SMARCA2: variants seen among roughly 807,000 people sequenced by gnomAD.
The protein encoded by SMARCA2 is SWI/SNF-related matrix-associated actin-dependent regulator of chromatin subfamily A member 2.
Under a neutral mutation model 199.8 loss-of-function variants are expected in SMARCA2, and 61 were observed. The observed-to-expected ratio is 0.31, with a 90% CI of 0.25 to 0.38. SMARCA2 has a LOEUF of 0.38. SMARCA2 is among the 10% of genes least tolerant of loss of function. The probability of loss-of-function intolerance (pLI) is 1.00; values close to 1 mark genes in which losing one functional copy is unlikely to be tolerated. For synonymous variants in SMARCA2, 935 were observed against 732.0 expected (o/e 1.28, Z -4.48); for missense variants, 1,344 against 2,012.2 (o/e 0.67, Z 6.35).
intron 27 of SMARCA2, among the ~76,000 whole-genome samples, chr9:2,147,185 A>G (rs972764221): frequency 6.6e-6 from 1 of 151,864 alleles, no homozygotes; most frequent in African/African-American, 2.4e-5. Context: ...CTATTTAGAA[A>G]AAGTACAGAA....
Position 2,077,211 on chromosome 9 carries a change from T to G in SMARCA2, c.2037-418T>G, listed in dbSNP as rs115766336. Reference sequence around the variant, plus strand: ...GCCCTCTCCCCCTGCCCTCCCAGCTTTAGCCAGTGTTCTGTGAATAGGATT... The same window carrying G: ...GCCCTCTCCCCCTGCCCTCCCAGCTGTAGCCAGTGTTCTGTGAATAGGATT... On this transcript the variant is annotated intron_variant, in intron 13 of 33. Coordinates refer to ENST00000349721, the MANE Select transcript of SMARCA2 (RefSeq NM_003070.5). Among the ~76,000 whole-genome samples the G allele has an allele frequency of 6.0e-3, 919 of 152,300 alleles. 9 individuals are homozygous for G. The highest frequency in any genetic ancestry group is 0.021 in the African/African-American group (872 of 41,566).
At chr9:2,082,384 A>G (rs940475213) in intron 15 of SMARCA2, among the ~76,000 whole-genome samples, 1 of 151,258 alleles carries the variant, frequency 6.6e-6, no homozygotes, top group African/African-American at 2.4e-5. Flanking sequence ...TCCATTTCCA[A>G]AAGATGATAT....
rs1180411931 is a variant in SMARCA2 at position 2,191,186 on chromosome 9, G to T, written c.4595-80G>T. 3.0e-6 allele frequency: 4 copies of T among 1,334,630 alleles called. No homozygotes were observed. The South Asian group carries it at 5.0e-5, about 17-fold the overall frequency. 82.7% of individuals were successfully genotyped at this position (1,334,630 alleles called of 1,614,324 possible). ...TCTGGGATGTTTGTGTTGTCTGTAG[G>T]TTGGTGATAGTCTTACCACCTATAC... On this transcript the variant is annotated intron_variant, in intron 32 of 33. Coordinates refer to ENST00000349721, the MANE Select transcript of SMARCA2 (RefSeq NM_003070.5).
At chr9:2,174,265 T>C (rs1190099445) in intron 29 of SMARCA2, among the ~76,000 whole-genome samples, 1 of 152,196 alleles carries the variant, frequency 6.6e-6, no homozygotes, top group Non-Finnish European at 1.5e-5. Flanking sequence ...AAATGGATTT[T>C]CTTACAGGGC....
rs1818376646 is a variant in SMARCA2 at position 2,016,904 on chromosome 9, A to G, written c.-37+1500A>G. 6.6e-6 allele frequency among the ~76,000 whole-genome samples: 1 copy of G among 152,014 alleles called. No individual in the cohort carries two copies. ...CAAAGGTGTCGCGATGCACTTCCCT[A>G]AATAACCGGTCCGGCGCGCCAGCCC... On this transcript the variant is annotated intron_variant, in intron 1 of 33. Transcript: ENST00000349721. This position sits in a 1 kb window ranked among gnomAD's most constrained non-coding sequence, Gnocchi z 5.6.
rs976711540 is a variant in SMARCA2 at position 2,165,346 on chromosome 9, G to C, written c.4199+3443G>C. ...AGATGTATCTTGATATTTTCATAAA[G>C]AACTAAGATCATTTATGTGTGTGTT... On this transcript the variant is annotated intron_variant, in intron 28 of 33. Coordinates refer to ENST00000349721, the MANE Select transcript of SMARCA2 (RefSeq NM_003070.5). 5.3e-5 allele frequency among the ~76,000 whole-genome samples: 8 copies of C among 152,182 alleles called. No homozygotes were observed. In the South Asian group the frequency reaches 6.2e-4, roughly 12 times the overall value.
In SMARCA2 at chr9:2,016,710, G is replaced by A. The variant is rs986171074; in HGVS notation, c.-37+1306G>A. On this transcript the variant is annotated intron_variant, in intron 1 of 33. Transcript: ENST00000349721. The surrounding 1 kb of genome is among the most constrained non-coding windows in gnomAD (Gnocchi z 5.6). ...CGAGGGCGGGAGGCGGGGAGACCGG[G>A]TAGGAGCCTCCTCCCAACGATGACA... Among the ~76,000 whole-genome samples the A allele has an allele frequency of 6.6e-6, 1 of 152,136 alleles. No homozygotes were observed. The highest frequency in any genetic ancestry group is 6.5e-5 in the Admixed American group (1 of 15,298).
In SMARCA2 at chr9:2,125,540, A is replaced by G. The variant is rs1416249376; in HGVS notation, c.3981+1603A>G. Among the ~76,000 whole-genome samples the G allele has an allele frequency of 4.2e-5, 6 of 143,546 alleles. No homozygotes were observed. In the East Asian group the frequency reaches 8.4e-4, roughly 20 times the overall value. 94.2% of individuals were successfully genotyped at this position (143,546 alleles called of 152,430 possible). ...AGTCTCTCTCTGTCACTGAGGCTAT[A>G]GTGCAATGGTGTGGTCTCAGCTCAG... On this transcript the variant is annotated intron_variant, in intron 27 of 33. Transcript: ENST00000349721.
At position 2,164,673 on chromosome 9, in the gene SMARCA2, C is replaced by T. The variant is rs752651895; in HGVS notation, c.4199+2770C>T. 2.0e-4 allele frequency among the ~76,000 whole-genome samples: 31 copies of T among 152,252 alleles called. 1 individual carries two copies. Among genetic ancestry groups the T allele is most frequent in the Admixed American group, 1.2e-3 (19 of 15,290 alleles). On this transcript the variant is annotated intron_variant, in intron 28 of 33. Coordinates refer to ENST00000349721, the MANE Select transcript of SMARCA2 (RefSeq NM_003070.5). The stretch of plus-strand genomic sequence containing the variant: ...TTTTATTTCTAGAAACAGAAAATGC[C>T]GTTTCAGTGGTACTGTTTATTGAGT...
chr9:2,070,504 G>A, intron 10 of SMARCA2, 33 bp downstream of exon 10: 1 of 1,538,704 alleles, frequency 6.5e-7, no homozygotes, highest in South Asian at 1.1e-5. Context: ...ACTGTGTTCT[G>A]CTGAATGGAG....
At chr9:2,073,858 C>T (rs1821195194) in intron 12 of SMARCA2, among the ~76,000 whole-genome samples, 1 of 152,140 alleles carries the variant, frequency 6.6e-6, no homozygotes. Flanking sequence ...TCTAAATTCA[C>T]TTGAAACCAA....
At chr9:2,087,120 T>G in intron 18 of SMARCA2, 49 bp downstream of exon 18, 1 of 1,608,486 alleles carries the variant, frequency 6.2e-7, no homozygotes. Context: ...TGACATGAAA[T>G]GAAAGGCCCT....
chr9:2,104,305 A>G lies in SMARCA2; in HGVS notation c.3292+136A>G, dbSNP rs547073169. 4.8e-4 allele frequency: 373 copies of G among 772,922 alleles called. 6 individuals are homozygous for G. In the South Asian group the frequency reaches 7.7e-3, roughly 16 times the overall value. 47.9% of individuals were successfully genotyped at this position (772,922 alleles called of 1,614,324 possible). A position where few individuals can be genotyped will look rare whatever the true frequency, so the allele number is the denominator to read the frequency against. The stretch of plus-strand genomic sequence containing the variant: ...TAGAAGCATTGGGAGCAGTTTTTCT[A>G]GATAGCAATTTTTTGCATCCTTAAG... On this transcript the variant is annotated intron_variant, in intron 23 of 33. Transcript: ENST00000349721. The surrounding 1 kb of genome is among the most constrained non-coding windows in gnomAD (Gnocchi z 4.0).
chr9:2,015,637 A>G (rs1219292788), intron 1 of SMARCA2, among the ~76,000 whole-genome samples: 1 of 152,218 alleles, frequency 6.6e-6, no homozygotes, highest in Non-Finnish European at 1.5e-5. Flanking sequence ...TGCTCTAACG[A>G]CAGCTCCCAG....
At chr9:2,035,359 A>C (rs1819281684) in intron 3 of SMARCA2, among the ~76,000 whole-genome samples, 1 of 152,064 alleles carries the variant, frequency 6.6e-6, no homozygotes, top group Non-Finnish European at 1.5e-5. Context: ...CTTTATTTTT[A>C]ATACCTGGGA....
rs1465764636 is a variant in SMARCA2, at chr9:2,193,501, C to G, written c.*762C>G. Reference sequence around the variant, plus strand: ...TCCTTCTCCCTAAAGTGTACTTAATCTTTGCTTTCTTTGCACAATGTCTTT... The same window carrying G: ...TCCTTCTCCCTAAAGTGTACTTAATGTTTGCTTTCTTTGCACAATGTCTTT... On this transcript the variant is annotated 3_prime_UTR_variant, in exon 34 of 34. Coordinates refer to ENST00000349721, the MANE Select transcript of SMARCA2 (RefSeq NM_003070.5). 6.5e-6 allele frequency: 1 copy of G among 152,678 alleles called. No homozygotes were observed. Among genetic ancestry groups the G allele is most frequent in the East Asian group, 1.9e-4 (1 of 5,200 alleles). 9.5% of individuals were successfully genotyped at this position (152,678 alleles called of 1,614,324 possible).
At chr9:2,044,442 T>C (rs1274964556) in intron 4 of SMARCA2, 1 of 152,248 alleles carries the variant, frequency 6.6e-6, no homozygotes, top group African/African-American at 2.4e-5. Flanking sequence ...CCAGCTAATA[T>C]GGTACCGAAT....
chr9:2,038,606 T>C (rs965577041), intron 3 of SMARCA2, among the ~76,000 whole-genome samples: 1 of 152,210 alleles, frequency 6.6e-6, no homozygotes, highest in African/African-American at 2.4e-5. Flanking sequence ...CTATATATTC[T>C]AGAGTTTCTG....
At chr9:2,173,296 G>T (rs7048976) in intron 29 of SMARCA2, among the ~76,000 whole-genome samples, 78,530 of 152,000 alleles carry the variant, frequency 0.52, 20,765 homozygotes, top group East Asian at 0.67. Context: ...ATGTTGTGAT[G>T]ATGTTGTTAG....
Sources: gnomAD v4.1 joint callset for allele counts (sites outside exome capture counted in the v4.1 genomes callset) on GRCh38, gnomAD v4.1.1 for gene constraint, Gnocchi (gnomAD v3.1) non-coding constraint, MANE v1.5 for transcripts, NCBI Gene and HGNC (gene_info 2026-07-23, HGNC 2026-07-21) for gene names.